The following ABCC10 variants were observed in gnomAD, a reference collection of about 807,000 sequenced individuals.
ABCC10 encodes ATP binding cassette subfamily C member 10, also known as ATP-binding cassette sub-family C member 10.
A neutral mutation model predicts 143.2 loss-of-function variants in ABCC10; 110 were observed. That is an observed-to-expected ratio of 0.77 (90% CI 0.66 to 0.90). ABCC10 has a LOEUF of 0.90. ABCC10 is among the 40% of genes least tolerant of loss of function. The pLI, the probability that ABCC10 is intolerant of heterozygous loss-of-function variation, is 0.00. For synonymous variants in ABCC10, 805 were observed against 846.7 expected, an observed-to-expected ratio of 0.95 and a Z score of 0.85; for missense variants, 1,700 against 1,900.5, an observed-to-expected ratio of 0.89 and a Z score of 1.96.
At position 43,440,863 on chromosome 6, in the gene ABCC10, C is replaced by CAA. The variant is rs35261029; in HGVS notation, c.2128-987_2128-986dup. 4.8e-3 allele frequency among the ~76,000 whole-genome samples: 503 copies of CAA among 104,404 alleles called. 5 individuals carry two copies. Among genetic ancestry groups the CAA allele is most frequent in the African/African-American group, 0.013 (329 of 24,652 alleles). 68.5% of individuals were successfully genotyped at this position (104,404 alleles called of 152,430 possible). A position where few individuals can be genotyped will look rare whatever the true frequency, so the allele number is the denominator to read the frequency against. ...TGTGCAACAGAGTGAGACTCCGTCT[C>CAA]AAAAAAAAAAAAATACCAGACCACC... On this transcript the variant is annotated intron_variant, in intron 8 of 21. Transcript: ENST00000372530.
intron 2 of ABCC10, among the ~76,000 whole-genome samples, chr6:43,431,396 T>A (rs897012363): frequency 1.3e-5 from 2 of 152,204 alleles, no homozygotes; most frequent in Admixed American, 6.5e-5. Flanking sequence ...AGTCTTCCCC[T>A]GTCACCCAGG....
chr6:43,435,843 C>CT lies in ABCC10; in HGVS notation c.1703dup (p.Leu568PhefsTer124). On this transcript the variant is annotated frameshift_variant, in exon 5 of 22. Coordinates refer to ENST00000372530, the MANE Select transcript of ABCC10 (RefSeq NM_001198934.2). LOFTEE classifies it high-confidence loss of function. ...ATGGTCTCCTGGAGGCCAAAGTGTCCTTGGACCGGATCCAGCTTTTCCTCG... is the reference window on the plus strand; with the variant it reads ...ATGGTCTCCTGGAGGCCAAAGTGTCCTTTGGACCGGATCCAGCTTTTCCTCG... 1 of 1,614,176 alleles carries CT rather than the reference C, an allele frequency of 6.2e-7. No individual in the cohort carries two copies. The highest frequency in any genetic ancestry group is 1.6e-4 in the Middle Eastern group (1 of 6,062).
At chr6:43,449,901 C>T (rs1783590919) in intron 21 of ABCC10, 28 bp from the exon 22 acceptor site, 2 of 1,613,518 alleles carry the variant, frequency 1.2e-6, no homozygotes, top group Non-Finnish European at 8.5e-7. Context: ...TCCCTCATCC[C>T]CTACACTGAC....
chr6:43,446,745 A>C, intron 16 of ABCC10: 2 of 1,225,752 alleles, frequency 1.6e-6, no homozygotes, highest in Non-Finnish European at 1.0e-6. Context: ...AGTCTCCCAC[A>C]TGCCGTCCCT....
rs1782522151 is a variant in ABCC10 at position 43,441,973 on chromosome 6, T to C, written c.2226+13T>C. 4.3e-6 allele frequency: 7 copies of C among 1,612,100 alleles called. No homozygotes were observed. The highest frequency in any genetic ancestry group is 1.3e-5 in the African/African-American group (1 of 74,838). ...TGCTGTCTACCAGGTCAGTTAAAGA[T>C]GGAGGTTGCAGTGGCAGGGAGGTGG... On this transcript the variant is annotated intron_variant, in intron 9 of 21. Transcript: ENST00000372530.
intron 3 of ABCC10, among the ~76,000 whole-genome samples, chr6:43,434,341 TC>T (rs1178833853): frequency 6.6e-6 from 1 of 152,212 alleles, no homozygotes; most frequent in Non-Finnish European, 1.5e-5. Flanking sequence ...CCACCACTCC[TC>T]CTAGGAAGGT....
rs1782692644 is a variant in ABCC10, at chr6:43,443,405, G to C, written c.2416+246G>C. ...TGCTCTTGGGAACTTAAAGGCCCAG[G>C]GTCTCTGAGAACATTCTCATATCTT... On this transcript the variant is annotated intron_variant, in intron 10 of 21. Coordinates refer to ENST00000372530, the MANE Select transcript of ABCC10 (RefSeq NM_001198934.2). This position sits in a 1 kb window ranked among gnomAD's most constrained non-coding sequence, Gnocchi z 4.2. 1 of 437,678 alleles carries C rather than the reference G, an allele frequency of 2.3e-6. No individual in the cohort carries two copies. Among genetic ancestry groups the C allele is most frequent in the South Asian group, 6.1e-5 (1 of 16,512 alleles). 27.1% of individuals were successfully genotyped at this position (437,678 alleles called of 1,614,324 possible).
rs924237676 is a variant in ABCC10 at position 43,449,680 on chromosome 6, G to A, written c.4316+146G>A. 1.1e-5 allele frequency: 9 copies of A among 793,950 alleles called. No individual in the cohort carries two copies. In the Admixed American group the frequency reaches 2.2e-4, roughly 20 times the overall value. 49.2% of individuals were successfully genotyped at this position (793,950 alleles called of 1,614,324 possible). A position where few individuals can be genotyped will look rare whatever the true frequency, so the allele number is the denominator to read the frequency against. ...CTCCTCCTTCTCCAGGGACGAGAAG[G>A]GTCCTTTATAGCACTGCCTAGGGCC... On this transcript the variant is annotated intron_variant, in intron 21 of 21. Transcript: ENST00000372530.
chr6:43,438,118 G>C, intron 7 of ABCC10, 105 bp downstream of exon 7: 1 of 1,248,032 alleles, frequency 8.0e-7, no homozygotes, highest in Non-Finnish European at 1.1e-6. Flanking sequence ...ACTAAGAAGA[G>C]CAACGCATGG....
chr6:43,431,890 G>A, intron 2 of ABCC10: 3 of 1,352,014 alleles, frequency 2.2e-6, no homozygotes, highest in Middle Eastern at 2.7e-4. Flanking sequence ...CAGAAATGGT[G>A]TGGGTAGTTT....
At chr6:43,445,042 T>G (rs1269828803) in intron 13 of ABCC10, 83 bp from the exon 14 acceptor site, 1 of 1,584,736 alleles carries the variant, frequency 6.3e-7, no homozygotes, top group South Asian at 1.2e-5. Context: ...TTCTGGAGGG[T>G]GGGAGAGATG....
intron 2 of ABCC10, among the ~76,000 whole-genome samples, chr6:43,429,371 C>CG (rs765295052): frequency 0.57 from 44,866 of 79,084 alleles, 10,798 homozygotes; most frequent in East Asian, 0.7. Flanking sequence ...TCTTTTCTTT[C>CG]TTGTGTGTGT....
intron 8 of ABCC10, among the ~76,000 whole-genome samples, chr6:43,440,879 C>A (rs1401224893): frequency 1.5e-4 from 16 of 105,390 alleles, no homozygotes; most frequent in East Asian, 2.9e-4. Context: ...AAAAAAAATA[C>A]CAGACCACCC....
intron 16 of ABCC10, chr6:43,446,793 G>A: frequency 8.5e-7 from 1 of 1,172,838 alleles, no homozygotes; most frequent in Non-Finnish European, 1.1e-6. Context: ...CCTGCATCTG[G>A]CCTCCTGTGC....
chr6:43,440,943 A>C (rs925098630), intron 8 of ABCC10, among the ~76,000 whole-genome samples: 3 of 151,696 alleles, frequency 2.0e-5, no homozygotes, highest in Non-Finnish European at 2.9e-5. Flanking sequence ...AACAAACAAA[A>C]AAAACAAAAA....
intron 2 of ABCC10, among the ~76,000 whole-genome samples, chr6:43,429,370 T>TGGAGAG (rs1780862204): frequency 3.1e-5 from 1 of 32,102 alleles, no homozygotes. Flanking sequence ...TTCTTTTCTT[T>TGGAGAG]CTTGTGTGTG....
chr6:43,451,380 A>G (rs1581811489), downstream of ABCC10: 3 of 1,377,864 alleles, frequency 2.2e-6, no homozygotes, highest in Non-Finnish European at 2.9e-6. The surrounding 1 kb of genome is among the most constrained non-coding windows in gnomAD (Gnocchi z 4.4). Flanking sequence ...TGGGCTACAC[A>G]CTCCGAGCCT....
intron 16 of ABCC10, 82 bp downstream of exon 16, chr6:43,446,528 C>A: frequency 6.7e-7 from 1 of 1,485,730 alleles, no homozygotes; most frequent in Non-Finnish European, 8.9e-7. Context: ...ACCATCCCCC[C>A]AACATTTTCA....
Position 43,432,729 on chromosome 6 carries a change from TC to T in ABCC10, c.754del (p.His252ThrfsTer40). ...ELRQPQDICR[L>X]PHRLQPTYLA... ...CGGCAGCCTCAGGACATTTGCCGCC[TC>T]CCCCACAGACTGCAGCCAACCTACC... On this transcript the variant is annotated frameshift_variant, in exon 3 of 22. Transcript: ENST00000372530. LOFTEE classifies it high-confidence loss of function. The T allele has an allele frequency of 1.2e-6, 2 of 1,613,964 alleles. No individual in the cohort carries two copies. Among genetic ancestry groups the T allele is most frequent in the Non-Finnish European group, 1.7e-6 (2 of 1,179,982 alleles).
Sources: allele counts gnomAD v4.1 joint callset (sites outside exome capture counted in the v4.1 genomes callset), GRCh38; gene constraint gnomAD v4.1.1; non-coding constraint Gnocchi (gnomAD v3.1); transcripts MANE v1.5; gene names NCBI Gene and HGNC (gene_info 2026-07-23, HGNC 2026-07-21).